Variants in USF3 observed in about 807,000 individuals in gnomAD.
USF3 encodes the protein upstream transcription factor family member 3.
In USF3, 29 loss-of-function variants were observed where a neutral mutation model predicts 157.5. That is an observed-to-expected ratio of 0.18 (90% CI 0.14 to 0.25). The LOEUF is 0.25. Among genes scored for constraint, USF3 ranks in the 10% least tolerant of loss-of-function variants. The probability of loss-of-function intolerance (pLI) is 1.00; values close to 1 mark genes in which losing one functional copy is unlikely to be tolerated. For synonymous variants in USF3, 893 were observed against 941.4 expected, an observed-to-expected ratio of 0.95 and a Z score of 0.94; for missense variants, 2,381 against 2,667.6, an observed-to-expected ratio of 0.89 and a Z score of 2.37.
chr3:113,672,934 A>C lies in USF3; in HGVS notation c.76+414T>G, dbSNP rs1707192319. Among the ~76,000 whole-genome samples, 2 of 152,212 alleles carry C rather than the reference A, an allele frequency of 1.3e-5. 1 individual carries two copies. Among genetic ancestry groups the C allele is most frequent in the South Asian group, 4.1e-4 (2 of 4,838 alleles). ...ATTGAGGACTCCAGAACTTAATTTA[A>C]GACTGTTCACATTACAAGGCTCTTT... On this transcript the variant is annotated intron_variant, in intron 4 of 6. Transcript: ENST00000316407.
intron 4 of USF3, among the ~76,000 whole-genome samples, chr3:113,670,474 C>T (rs1357348229): frequency 2.0e-5 from 3 of 152,282 alleles, no homozygotes; most frequent in Middle Eastern, 3.4e-3. Flanking sequence ...TGGCACACGC[C>T]TGTAGTCCCA....
chr3:113,652,894 C>A lies in USF3; in HGVS notation c.*2050G>T. ...TTTGCTTGAACCCAGGAGGCAGAGG[C>A]TGCAGTGAGCCAAGATCCTGCCATT... On this transcript the variant is annotated 3_prime_UTR_variant, in exon 7 of 7. Transcript: ENST00000316407. 2.5e-6 allele frequency: 1 copy of A among 401,810 alleles called. No homozygotes were observed. Among genetic ancestry groups the A allele is most frequent in the Non-Finnish European group, 4.5e-6 (1 of 224,056 alleles). The allele number at this position is 401,810 out of a possible 1,614,324, so 24.9% of individuals were successfully genotyped here.
rs747611811 is a variant in USF3 at position 113,655,337 on chromosome 3, A to G, written c.6345T>C (p.Ser2115=). ...CATTGGACAGTGTAGGATGAGCAGG[A>G]GAGTATGGAGGATAGAAGGAGGGCA... The part of the protein sequence containing the change: ...NTLPSFYPPY[S]PAHPTLSNDI... Residue 2115 remains serine (S), a synonymous_variant, in exon 7 of 7, where the codon TCT becomes TCC. Transcript: ENST00000316407. The G allele has an allele frequency of 1.4e-5, 23 of 1,613,966 alleles. No homozygotes were observed. Among genetic ancestry groups the G allele is most frequent in the South Asian group, 2.2e-5 (2 of 91,088 alleles).
At chr3:113,694,981 G>T (rs1385692283) in intron 1 of USF3, among the ~76,000 whole-genome samples, 1 of 152,202 alleles carries the variant, frequency 6.6e-6, no homozygotes, top group Non-Finnish European at 1.5e-5. Context: ...GGAGGCGGAG[G>T]TTGCAGTGAA....
intron 2 of USF3, 53 bp from the exon 3 acceptor site, chr3:113,674,949 CA>C: frequency 2.5e-6 from 3 of 1,183,044 alleles, no homozygotes; most frequent in Non-Finnish European, 2.5e-6. Flanking sequence ...TAGAATCTTA[CA>C]AAAATTGGTC....
Position 113,649,260 on chromosome 3 carries a change from A to AG in USF3, c.*5683dup, listed in dbSNP as rs1476262389. ...AAAATGTGTTAAATTACAAATAAAC[A>AG]GTTATCTTCTGTCTTATGAAATCTC... On this transcript the variant is annotated 3_prime_UTR_variant, in exon 7 of 7. Transcript: ENST00000316407. The AG allele has an allele frequency of 6.6e-6, 1 of 152,388 alleles. No individual in the cohort carries two copies. The highest frequency in any genetic ancestry group is 1.5e-5 in the Non-Finnish European group (1 of 68,116). 9.4% of individuals were successfully genotyped at this position (152,388 alleles called of 1,614,324 possible). A position where few individuals can be genotyped will look rare whatever the true frequency, so the allele number is the denominator to read the frequency against.
In USF3 at chr3:113,659,440, C is replaced by T. The variant is rs769128295; in HGVS notation, c.2242G>A (p.Ala748Thr). The change falls in exon 7 of 7, where the codon GCT becomes ACT. Residue 748 changes from alanine to threonine, a missense_variant. Ala to Thr is a moderately conservative substitution (Grantham distance 58). Transcript: ENST00000316407. The part of the protein sequence containing the change: ...QTAANSQTTT[A>T]NCVSLTTTAA... ...GTTGTTGTTAATGAAACACAGTTAGCTGTAGTGGTTTGACTATTTGCAGCA... is the reference window on the plus strand; with the variant it reads ...GTTGTTGTTAATGAAACACAGTTAGTTGTAGTGGTTTGACTATTTGCAGCA... The T allele has an allele frequency of 3.1e-6, 5 of 1,614,210 alleles. No homozygotes were observed. The Admixed American group carries it at 8.3e-5, about 27-fold the overall frequency.
chr3:113,669,115 T>C (rs1707082448), intron 5 of USF3, among the ~76,000 whole-genome samples: 1 of 152,112 alleles, frequency 6.6e-6, no homozygotes, highest in Non-Finnish European at 1.5e-5. Context: ...GTACACTCCT[T>C]GGCTCAACCA....
At chr3:113,663,969 T>C (rs1947525414) in intron 6 of USF3, among the ~76,000 whole-genome samples, 1 of 152,090 alleles carries the variant, frequency 6.6e-6, no homozygotes. Flanking sequence ...TGAGCAGAAC[T>C]CCCCCCTTAC....
intron 1 of USF3, among the ~76,000 whole-genome samples, chr3:113,695,966 G>C (rs1015148901): frequency 2.0e-5 from 3 of 152,270 alleles, no homozygotes; most frequent in Non-Finnish European, 4.4e-5. Flanking sequence ...GGCAAGGAAA[G>C]AAGGGGAATG....
At chr3:113,675,682 C>A (rs1407073292) in intron 2 of USF3, among the ~76,000 whole-genome samples, 2 of 152,152 alleles carry the variant, frequency 1.3e-5, no homozygotes, top group African/African-American at 4.8e-5. Context: ...AGATTGACAA[C>A]TGTATTAGTC....
At position 113,649,632 on chromosome 3, in the gene USF3, C is replaced by T; in HGVS notation, c.*5312G>A. 1 of 507,678 alleles carries T rather than the reference C, an allele frequency of 2.0e-6. No individual in the cohort carries two copies. The highest frequency in any genetic ancestry group is 3.5e-6 in the Non-Finnish European group (1 of 289,576). 31.4% of individuals were successfully genotyped at this position (507,678 alleles called of 1,614,324 possible). A position where few individuals can be genotyped will look rare whatever the true frequency, so the allele number is the denominator to read the frequency against. ...GATTACACAGCGTGTACCATCCCAG[C>T]TGGCCCTTTGCTATAACAGAGGAGT... On this transcript the variant is annotated 3_prime_UTR_variant, in exon 7 of 7. Transcript: ENST00000316407.
chr3:113,668,129 C>T (rs1175545188), intron 5 of USF3, among the ~76,000 whole-genome samples: 1 of 151,982 alleles, frequency 6.6e-6, no homozygotes, highest in East Asian at 1.9e-4. Flanking sequence ...GAACCACCCC[C>T]TACCCTGCCC....
chr3:113,692,675 G>T (rs1707710286), intron 1 of USF3, among the ~76,000 whole-genome samples: 1 of 152,074 alleles, frequency 6.6e-6, no homozygotes, highest in African/African-American at 2.4e-5. Flanking sequence ...ACAGTGTTGG[G>T]CACATGGTAA....
intron 1 of USF3, among the ~76,000 whole-genome samples, chr3:113,687,532 C>T (rs1707585711): frequency 6.6e-6 from 1 of 152,140 alleles, no homozygotes; most frequent in African/African-American, 2.4e-5. Flanking sequence ...TCTACATTTG[C>T]CTCTGTATCT....
chr3:113,656,574 T>C lies in USF3; in HGVS notation c.5108A>G (p.Tyr1703Cys), dbSNP rs1414879877. Residue 1703 changes from tyrosine (Y) to cysteine (C), a missense_variant, in exon 7 of 7, where the codon TAT becomes TGT. Physicochemically the swap from Tyr to Cys is radical, Grantham distance 194. Transcript: ENST00000316407. ...ACTCTTATTTCTGGGAACATCAAGA[T>C]AGCTTCTCATTTCAAGCTGATCTGA... ...RVSDQLEMRSYLDVPRNKSLA... is the reference protein window; with the variant it reads ...RVSDQLEMRSCLDVPRNKSLA... 8 of 1,614,202 alleles carry C rather than the reference T, an allele frequency of 5.0e-6. No individual in the cohort carries two copies. In the East Asian group the frequency reaches 1.3e-4, roughly 27 times the overall value.
chr3:113,685,931 G>A (rs1282269783), intron 1 of USF3, among the ~76,000 whole-genome samples: 1 of 152,104 alleles, frequency 6.6e-6, no homozygotes, highest in East Asian at 1.9e-4. Context: ...TCCCTCTTCT[G>A]CTGGAGCTGC....
Position 113,662,321 on chromosome 3 carries a change from G to A in USF3, c.257-896C>T, listed in dbSNP as rs914829309. On this transcript the variant is annotated intron_variant, in intron 6 of 6. Transcript: ENST00000316407. ...CAATGCAGGTATGCTACTGAGCAGT[G>A]AGGGCATTGTCACAGCCCTCCTTTC... Among the ~76,000 whole-genome samples the A allele has an allele frequency of 1.1e-4, 16 of 152,352 alleles. No homozygotes were observed. In the South Asian group the frequency reaches 2.5e-3, roughly 24 times the overall value.
intron 4 of USF3, among the ~76,000 whole-genome samples, chr3:113,672,574 T>G (rs922852428): frequency 6.6e-6 from 1 of 152,066 alleles, no homozygotes; most frequent in African/African-American, 2.4e-5. Flanking sequence ...ATAATAGTAT[T>G]TGTTGGTTTC....
Sources: gnomAD v4.1 joint callset for allele counts (sites outside exome capture counted in the v4.1 genomes callset) on GRCh38, gnomAD v4.1.1 for gene constraint, MANE v1.5 for transcripts, NCBI Gene and HGNC (gene_info 2026-07-23, HGNC 2026-07-21) for gene names.